The following STXBP6 variants were observed in gnomAD, a reference collection of about 807,000 sequenced individuals.
STXBP6 encodes the protein syntaxin-binding protein 6.
A neutral mutation model predicts 26.9 loss-of-function variants in STXBP6; 21 were observed. That is an observed-to-expected ratio of 0.78 (90% CI 0.55 to 1.12). STXBP6 has a LOEUF of 1.12. Ranked by LOEUF, STXBP6 falls within the 50% of genes most tolerant of loss-of-function variation. The probability of loss-of-function intolerance (pLI) is 0.00; values close to 1 mark genes in which losing one functional copy is unlikely to be tolerated. For synonymous variants in STXBP6, 97 were observed against 92.6 expected (o/e 1.05, Z -0.27); for missense variants, 232 against 257.9 (o/e 0.90, Z 0.69).
At chr14:25,036,313 C>G (rs1008075819) in intron 1 of STXBP6, among the ~76,000 whole-genome samples, 6 of 151,376 alleles carry the variant, frequency 4.0e-5, no homozygotes, top group African/African-American at 1.5e-4. Flanking sequence ...TGGAAGAGGG[C>G]TAGTGTGGTG....
chr14:24,891,467 A>C (rs2070784900), intron 2 of STXBP6, among the ~76,000 whole-genome samples: 1 of 152,174 alleles, frequency 6.6e-6, no homozygotes, highest in Admixed American at 6.5e-5. Flanking sequence ...TTCATTTCAC[A>C]CTAAAACCTC....
At chr14:24,929,529 C>T (rs989282341) in intron 2 of STXBP6, among the ~76,000 whole-genome samples, 1 of 152,176 alleles carries the variant, frequency 6.6e-6, no homozygotes, top group African/African-American at 2.4e-5. Context: ...GCATTCATGC[C>T]CACGTTGGCA....
intron 1 of STXBP6, among the ~76,000 whole-genome samples, chr14:25,035,711 G>A (rs1296653364): frequency 6.6e-6 from 1 of 151,788 alleles, no homozygotes; most frequent in Non-Finnish European, 1.5e-5. Context: ...TTTTATCCAG[G>A]GAAAACTATG....
intron 4 of STXBP6, among the ~76,000 whole-genome samples, chr14:24,850,999 T>C (rs901889357): frequency 3.3e-5 from 5 of 152,088 alleles, no homozygotes; most frequent in South Asian, 2.1e-4. Context: ...AATATAGAAA[T>C]TGCCAGTATC....
At chr14:24,960,874 A>G (rs1401421848) in intron 2 of STXBP6, among the ~76,000 whole-genome samples, 1 of 152,224 alleles carries the variant, frequency 6.6e-6, no homozygotes, top group African/African-American at 2.4e-5. Flanking sequence ...CAATAATCAC[A>G]TCTCTTTCTC....
chr14:24,944,372 T>C (rs1231308274), intron 2 of STXBP6, among the ~76,000 whole-genome samples: 1 of 152,206 alleles, frequency 6.6e-6, no homozygotes, highest in Non-Finnish European at 1.5e-5. Flanking sequence ...AGGAAAAAAT[T>C]CTAACTAAAG....
intron 2 of STXBP6, among the ~76,000 whole-genome samples, chr14:24,959,106 T>A (rs2140108785): frequency 6.6e-6 from 1 of 152,356 alleles, no homozygotes; most frequent in Admixed American, 6.5e-5. Flanking sequence ...CCACTACCAC[T>A]AGTTCTAGCA....
intron 2 of STXBP6, among the ~76,000 whole-genome samples, chr14:24,925,942 G>T (rs1032399003): frequency 6.6e-6 from 1 of 152,108 alleles, no homozygotes; most frequent in Non-Finnish European, 1.5e-5. Flanking sequence ...ATGTATTATA[G>T]AAAATACATT....
intron 2 of STXBP6, among the ~76,000 whole-genome samples, chr14:24,898,099 T>C (rs963977115): frequency 1.3e-5 from 2 of 152,206 alleles, no homozygotes; most frequent in Non-Finnish European, 2.9e-5. Context: ...GTTCAACTTG[T>C]TCAGACCACA....
chr14:25,006,897 T>C (rs1213058255), intron 1 of STXBP6, among the ~76,000 whole-genome samples: 3 of 147,884 alleles, frequency 2.0e-5, no homozygotes, highest in African/African-American at 7.9e-5. Context: ...TTTAACATAT[T>C]CAGCAATAGG....
chr14:24,913,062 G>C (rs921337398), intron 2 of STXBP6, among the ~76,000 whole-genome samples: 2 of 151,992 alleles, frequency 1.3e-5, no homozygotes, highest in Admixed American at 6.6e-5. Context: ...GCCAGGAGAC[G>C]GGTATAATTA....
chr14:24,826,969 G>A (rs555310471), intron 4 of STXBP6, among the ~76,000 whole-genome samples: 92 of 152,342 alleles, frequency 6.0e-4, no homozygotes, highest in African/African-American at 2.1e-3. Context: ...GGAGGCCAAG[G>A]TGGGTGGATC....
intron 2 of STXBP6, among the ~76,000 whole-genome samples, chr14:24,963,010 AAGG>A (rs1262058743): frequency 2.6e-5 from 4 of 152,330 alleles, no homozygotes; most frequent in African/African-American, 7.2e-5. Context: ...TTAAATTAAA[AAGG>A]AGAACAAAAT....
intron 1 of STXBP6, among the ~76,000 whole-genome samples, chr14:25,046,607 G>C (rs1020916237): frequency 3.9e-5 from 6 of 152,266 alleles, no homozygotes; most frequent in African/African-American, 1.4e-4. Flanking sequence ...ATTGATTTGG[G>C]CACTACATTA....
At chr14:24,975,665 G>A (rs1326586087) in intron 1 of STXBP6, among the ~76,000 whole-genome samples, 1 of 152,172 alleles carries the variant, frequency 6.6e-6, no homozygotes, top group Non-Finnish European at 1.5e-5. Flanking sequence ...AAAGCAGTAT[G>A]ACGCTGACTC....
At chr14:24,935,411 C>T (rs1232883467) in intron 2 of STXBP6, among the ~76,000 whole-genome samples, 1 of 152,058 alleles carries the variant, frequency 6.6e-6, no homozygotes, top group East Asian at 1.9e-4. Flanking sequence ...AAGCAACATC[C>T]GTCCCCTGAC....
At chr14:24,864,478 AG>A (rs1432351687) in intron 2 of STXBP6, among the ~76,000 whole-genome samples, 1 of 152,146 alleles carries the variant, frequency 6.6e-6, no homozygotes, top group Admixed American at 6.6e-5. Flanking sequence ...GAAGCAGGTG[AG>A]GGAAGGGCCT....
At chr14:25,029,354 C>T (rs1009315232) in intron 1 of STXBP6, among the ~76,000 whole-genome samples, 14 of 152,158 alleles carry the variant, frequency 9.2e-5, no homozygotes, top group Admixed American at 7.9e-4. Context: ...AGGCAAGACC[C>T]TCGACCAGCA....
chr14:25,011,029 A>ATTTCACAATGGCAGATTTAACGAAATTG (rs1566559998), intron 1 of STXBP6, among the ~76,000 whole-genome samples: 1 of 152,094 alleles, frequency 6.6e-6, no homozygotes, highest in African/African-American at 2.4e-5. Flanking sequence ...TACTTAAATC[A>ATTTCACAATGGCAGATTTAACGAAATTG]GATATTGAGA....
Sources: allele counts gnomAD v4.1 joint callset (sites outside exome capture counted in the v4.1 genomes callset), GRCh38; gene constraint gnomAD v4.1.1; transcripts MANE v1.5; gene names NCBI Gene and HGNC (gene_info 2026-07-23, HGNC 2026-07-21).